Variants in NSMAF observed in about 807,000 individuals in gnomAD.
NSMAF encodes neutral sphingomyelinase activation associated factor.
Under a neutral mutation model 134.9 loss-of-function variants are expected in NSMAF, and 90 were observed. The ratio of observed to expected loss-of-function variants is 0.67; its 90% CI spans 0.56 to 0.79. The LOEUF (loss-of-function observed/expected upper bound fraction) is 0.79. Among genes scored for constraint, NSMAF ranks in the 30% least tolerant of loss-of-function variants. NSMAF has a pLI of 0.00. For synonymous variants in NSMAF, 358 were observed against 389.6 expected (o/e 0.92, Z 0.96); for missense variants, 1,010 against 1,119.0 (o/e 0.90, Z 1.39).
At chr8:58,636,600 A>G (rs1310253977) in intron 2 of NSMAF, among the ~76,000 whole-genome samples, 1 of 152,218 alleles carries the variant, frequency 6.6e-6, no homozygotes, top group Non-Finnish European at 1.5e-5. Flanking sequence ...TTCTGTAAAG[A>G]GCCAGATAGT....
Position 58,603,231 on chromosome 8 carries a change from C to T in NSMAF, c.1024G>A (p.Asp342Asn), listed in dbSNP as rs758427213. Residue 342 changes from aspartate (D) to asparagine (N), a missense_variant, in exon 13 of 31, where the codon GAT (aspartate) becomes AAT (asparagine). Asp to Asn is a conservative substitution (Grantham distance 23). Transcript: ENST00000038176. ...TTACCTAGTTCTGAGCTGGAATAAT[C>T]ATGTATTATCCATGGAAACACAGGG... is the stretch of plus-strand genomic sequence containing the variant. ...QYPVFPWIIH[D>N]YSSSELDLSN... 39 of 1,614,068 alleles carry T rather than the reference C, an allele frequency of 2.4e-5. No homozygotes were observed. Among genetic ancestry groups the T allele is most frequent in the Non-Finnish European group, 3.3e-5 (39 of 1,180,044 alleles).
chr8:58,596,022 TG>T (rs1806129307), intron 21 of NSMAF: 1 of 196,258 alleles, frequency 5.1e-6, no homozygotes, highest in South Asian at 7.2e-5. Flanking sequence ...AATTTTGTTC[TG>T]GTGTGGGGTG....
intron 19 of NSMAF, among the ~76,000 whole-genome samples, chr8:58,598,183 T>C (rs1197678413): frequency 6.6e-6 from 1 of 152,120 alleles, no homozygotes; most frequent in Non-Finnish European, 1.5e-5. Flanking sequence ...GGAATTTCCA[T>C]GTAAAAAATT....
intron 14 of NSMAF, 63 bp downstream of exon 14, chr8:58,601,995 A>G: frequency 1.5e-6 from 2 of 1,328,968 alleles, no homozygotes; most frequent in South Asian, 2.5e-5. Context: ...ATTTCCTTCC[A>G]TAAAAACACA....
chr8:58,605,894 AAAG>A (rs746556653), intron 12 of NSMAF, 30 bp downstream of exon 12: 24 of 1,521,836 alleles, frequency 1.6e-5, no homozygotes, highest in Middle Eastern at 1.8e-4. Flanking sequence ...AAAAAAAAAA[AAAG>A]AAAGAAACAA....
intron 9 of NSMAF, among the ~76,000 whole-genome samples, chr8:58,616,851 CTA>C (rs1258619570): frequency 1.3e-5 from 2 of 152,090 alleles, no homozygotes; most frequent in African/African-American, 4.8e-5. Flanking sequence ...AAAAAACACT[CTA>C]AGACTAATGA....
chr8:58,653,750 T>C (rs750881084), intron 1 of NSMAF, among the ~76,000 whole-genome samples: 8 of 152,136 alleles, frequency 5.3e-5, no homozygotes, highest in Non-Finnish European at 8.8e-5. Context: ...GAAATGACAA[T>C]GGTATTTAGA....
At chr8:58,625,313 T>A (rs904228412) in intron 6 of NSMAF, among the ~76,000 whole-genome samples, 2 of 152,110 alleles carry the variant, frequency 1.3e-5, no homozygotes, top group Non-Finnish European at 2.9e-5. Flanking sequence ...TTATAATAAA[T>A]CAATTTCTCT....
chr8:58,629,334 T>G (rs1807005778), intron 6 of NSMAF, among the ~76,000 whole-genome samples: 3 of 152,220 alleles, frequency 2.0e-5, no homozygotes, highest in African/African-American at 4.8e-5. Flanking sequence ...TCTAGTGAAC[T>G]TTTTAGTTAA....
rs755780484 is a variant in NSMAF, at chr8:58,609,778, A to C, written c.558-45T>G. 5.0e-6 allele frequency: 8 copies of C among 1,598,900 alleles called. No homozygotes were observed. In the South Asian group the frequency reaches 8.8e-5, roughly 18 times the overall value. ...CAAAAGTAAGAAAAATCAGAAATTGATCTACTTTCTAGGTTTATCTAAGGG... is the reference window on the plus strand; with the variant it reads ...CAAAAGTAAGAAAAATCAGAAATTGCTCTACTTTCTAGGTTTATCTAAGGG... On this transcript the variant is annotated intron_variant, in intron 9 of 30. Transcript: ENST00000038176.
intron 2 of NSMAF, among the ~76,000 whole-genome samples, chr8:58,641,585 T>A (rs1004526332): frequency 8.5e-5 from 13 of 152,242 alleles, no homozygotes; most frequent in African/African-American, 2.9e-4. Flanking sequence ...ACAAAGAACT[T>A]CATTCCTTGT....
intron 2 of NSMAF, among the ~76,000 whole-genome samples, chr8:58,636,257 C>T (rs73684353): frequency 2.4e-4 from 37 of 152,270 alleles, no homozygotes; most frequent in African/African-American, 8.4e-4. Context: ...CCCCTGGGAC[C>T]CTGCTGAATA....
In NSMAF at chr8:58,659,611, C is replaced by T; in HGVS notation, c.21G>A (p.Lys7=). 1 of 1,490,466 alleles carries T rather than the reference C, an allele frequency of 6.7e-7. No homozygotes were observed. Among genetic ancestry groups the T allele is most frequent in the Non-Finnish European group, 8.9e-7 (1 of 1,123,740 alleles). 92.3% of individuals were successfully genotyped at this position (1,490,466 alleles called of 1,614,324 possible). The part of the protein sequence containing the change: MAFIRK[K]QQEQQLQLYS... ...AGAGCTGCAGCTGCTGCTCCTGCTG[C>T]TTCTTCCGGATAAACGCCATGGAGG... Residue 7 remains lysine (K), a synonymous_variant, in exon 1 of 31, where the codon AAG becomes AAA. Coordinates refer to ENST00000038176, the MANE Select transcript of NSMAF (RefSeq NM_003580.4).
intron 1 of NSMAF, chr8:58,659,086 GCCTGCTCGGT>G: frequency 1.1e-6 from 1 of 886,122 alleles, no homozygotes; most frequent in Non-Finnish European, 1.6e-6. Flanking sequence ...GTGGTCGCCG[GCCTGCTCGGT>G]GCCGCCCGGC....
At chr8:58,588,436 G>C in intron 26 of NSMAF, 2 of 1,253,202 alleles carry the variant, frequency 1.6e-6, no homozygotes, top group South Asian at 2.4e-5. Flanking sequence ...CTTTGGTGGG[G>C]GACGTGGGGC....
intron 22 of NSMAF, 72 bp from the exon 23 acceptor site, chr8:58,594,362 G>T: frequency 1.5e-6 from 2 of 1,364,014 alleles, no homozygotes; most frequent in Non-Finnish European, 2.1e-6. Context: ...TCATATCCTT[G>T]ATTTAATTTT....
chr8:58,639,248 C>T (rs530388871), intron 2 of NSMAF, among the ~76,000 whole-genome samples: 54 of 151,446 alleles, frequency 3.6e-4, no homozygotes, highest in African/African-American at 1.3e-3. Context: ...CACGCCACTG[C>T]ACTTCAGCCT....
At chr8:58,635,283 A>ACCAAAATTAGTAATTTC (rs1480695037) in intron 4 of NSMAF, 22 bp downstream of exon 4, 1 of 1,609,670 alleles carries the variant, frequency 6.2e-7, no homozygotes, top group Non-Finnish European at 8.5e-7. Flanking sequence ...AGTAAAATTA[A>ACCAAAATTAGTAATTTC]ACAGTGGTGA....
intron 26 of NSMAF, 82 bp from the exon 27 acceptor site, chr8:58,587,783 T>G (rs976305752): frequency 2.6e-6 from 3 of 1,171,230 alleles, no homozygotes; most frequent in Non-Finnish European, 3.7e-6. Flanking sequence ...AAAACTCCTA[T>G]GCTCAATTTC....
Sources: allele counts gnomAD v4.1 joint callset (sites outside exome capture counted in the v4.1 genomes callset), GRCh38; gene constraint gnomAD v4.1.1; transcripts MANE v1.5; gene names NCBI Gene and HGNC (gene_info 2026-07-23, HGNC 2026-07-21).